Variants in KLF12 observed in about 807,000 individuals in gnomAD.
KLF12 encodes KLF transcription factor 12.
A neutral mutation model predicts 37.8 loss-of-function variants in KLF12; 9 were observed. That is an observed-to-expected ratio of 0.24 (90% CI 0.14 to 0.42). The LOEUF is 0.42. Among genes scored for constraint, KLF12 ranks in the 10% least tolerant of loss-of-function variants. The pLI, the probability that KLF12 is intolerant of heterozygous loss-of-function variation, is 1.00. For missense variants in KLF12, 411 were observed against 516.0 expected (o/e 0.80, Z 1.97); for synonymous variants, 208 against 202.1 (o/e 1.03, Z -0.25).
At chr13:74,178,155 G>T in the KLF12 span, among the ~76,000 whole-genome samples, 2 of 152,168 alleles carry the variant, frequency 1.3e-5, no homozygotes, top group African/African-American at 4.8e-5. Flanking sequence ...CAGCCAGTGT[G>T]GGGTGCATAT....
At chr13:74,233,380 C>T in the KLF12 span, among the ~76,000 whole-genome samples, 2 of 152,082 alleles carry the variant, frequency 1.3e-5, no homozygotes, top group East Asian at 3.9e-4. Context: ...TGGGAAACTC[C>T]CAACAGGAGC....
At chr13:74,288,403 G>A in the KLF12 span, among the ~76,000 whole-genome samples, 10 of 152,236 alleles carry the variant, frequency 6.6e-5, no homozygotes, top group South Asian at 1.0e-3. Flanking sequence ...GAGGTAACGG[G>A]GTAAAACAGC....
chr13:74,050,792 T>G (rs1478815103), intron 1 of KLF12, among the ~76,000 whole-genome samples: 1 of 152,076 alleles, frequency 6.6e-6, no homozygotes, highest in Non-Finnish European at 1.5e-5. Context: ...ACCTACAGAA[T>G]GAGAGATAAT....
chr13:73,907,367 T>C (rs998769477), intron 3 of KLF12, among the ~76,000 whole-genome samples: 29 of 152,150 alleles, frequency 1.9e-4, no homozygotes, highest in Non-Finnish European at 1.3e-4. Flanking sequence ...CCTCCATTCA[T>C]ACAGCATTCT....
intron 7 of KLF12, among the ~76,000 whole-genome samples, chr13:73,701,846 A>G (rs1012583131): frequency 2.6e-5 from 4 of 152,206 alleles, no homozygotes; most frequent in African/African-American, 9.7e-5. Context: ...TATTTAAAAA[A>G]AAAGAATATG....
Position 73,790,736 on chromosome 13 carries a change from C to T in KLF12, c.806+22416G>A, listed in dbSNP as rs1881637667. Among the ~76,000 whole-genome samples, 4 of 152,216 alleles carry T rather than the reference C, an allele frequency of 2.6e-5. No homozygotes were observed. The South Asian group carries it at 8.3e-4, about 32-fold the overall frequency. ...AACTCTCCAGCTAATACTAATGTTT[C>T]CCTCCTTACAGTCTAATGGGCAAGG... On this transcript the variant is annotated intron_variant, in intron 5 of 7. Coordinates refer to ENST00000377669, the MANE Select transcript of KLF12 (RefSeq NM_007249.5).
intron 3 of KLF12, among the ~76,000 whole-genome samples, chr13:73,864,278 G>A (rs189494511): frequency 2.7e-3 from 414 of 152,116 alleles, no homozygotes; most frequent in Admixed American, 4.6e-3. Flanking sequence ...TTTATACTTG[G>A]TTTCAATTAG....
chr13:73,880,661 T>C (rs1415352006), intron 3 of KLF12, among the ~76,000 whole-genome samples: 1 of 152,172 alleles, frequency 6.6e-6, no homozygotes, highest in African/African-American at 2.4e-5. Context: ...TACCTAAAAC[T>C]AGAATAAATA....
chr13:74,000,652 C>T lies in KLF12; in HGVS notation c.-31-5599G>A, dbSNP rs141545053. On this transcript the variant is annotated intron_variant, in intron 1 of 7. Coordinates refer to ENST00000377669, the MANE Select transcript of KLF12 (RefSeq NM_007249.5). ...AGTAAGGTATGCCCCAAAGCTTGAGCAGTCACTTAAGAACAGAGCTCACTG... is the reference window on the plus strand; with the variant it reads ...AGTAAGGTATGCCCCAAAGCTTGAGTAGTCACTTAAGAACAGAGCTCACTG... 1.8e-3 allele frequency among the ~76,000 whole-genome samples: 270 copies of T among 152,280 alleles called. 2 individuals are homozygous for T. Among genetic ancestry groups the T allele is most frequent in the Admixed American group, 6.3e-3 (96 of 15,300 alleles).
the KLF12 span, among the ~76,000 whole-genome samples, chr13:74,224,747 A>G: frequency 6.6e-6 from 1 of 152,174 alleles, no homozygotes; most frequent in Non-Finnish European, 1.5e-5. Flanking sequence ...AATAAGTAGT[A>G]TAATGACTAA....
intron 4 of KLF12, among the ~76,000 whole-genome samples, chr13:73,837,670 A>C (rs11839511): frequency 0.2 from 30,871 of 152,144 alleles, 3,862 homozygotes; most frequent in East Asian, 0.5. Flanking sequence ...TATTTAATAA[A>C]CATAAACCAA....
At chr13:74,208,410 G>T in the KLF12 span, among the ~76,000 whole-genome samples, 3 of 152,090 alleles carry the variant, frequency 2.0e-5, no homozygotes, top group Non-Finnish European at 4.4e-5. Context: ...ATTAAGGAAA[G>T]AAAAATATAG....
At chr13:74,112,207 T>C (rs1030299604) in intron 1 of KLF12, among the ~76,000 whole-genome samples, 25 of 150,766 alleles carry the variant, frequency 1.7e-4, no homozygotes, top group African/African-American at 5.9e-4. Flanking sequence ...TGTGCATCTG[T>C]GTGTGTGTGT....
intron 1 of KLF12, among the ~76,000 whole-genome samples, chr13:74,028,675 C>CT (rs1339197472): frequency 6.6e-6 from 1 of 151,830 alleles, no homozygotes; most frequent in Non-Finnish European, 1.5e-5. Flanking sequence ...AGAAACATGG[C>CT]TCTTATGAGG....
chr13:73,816,216 C>T (rs139088534), intron 4 of KLF12, among the ~76,000 whole-genome samples: 19 of 152,264 alleles, frequency 1.2e-4, no homozygotes, highest in Non-Finnish European at 2.2e-4. Context: ...CCCTAGTTAA[C>T]CTCCATCAGT....
rs143705118 is a variant in KLF12, at chr13:73,968,578, C to T, written c.34-24508G>A. ...TTGTCAGCAAACTGCAAAATGAATA[C>T]TCTCATCTTGGGACTTTGACTTATT... On this transcript the variant is annotated intron_variant, in intron 2 of 7. Transcript: ENST00000377669. Among the ~76,000 whole-genome samples the T allele has an allele frequency of 4.5e-3, 684 of 152,262 alleles. 3 individuals are homozygous for T. Among genetic ancestry groups the T allele is most frequent in the African/African-American group, 0.015 (641 of 41,554 alleles).
chr13:73,750,627 C>CTTAA (rs1180616687), intron 6 of KLF12, among the ~76,000 whole-genome samples: 2 of 152,124 alleles, frequency 1.3e-5, no homozygotes, highest in African/African-American at 4.8e-5. Flanking sequence ...CACAGAAAAG[C>CTTAA]ATTTTTCAAT....
At chr13:73,856,992 AATAAAATAAG>A (rs1413069826) in intron 3 of KLF12, among the ~76,000 whole-genome samples, 2 of 152,164 alleles carry the variant, frequency 1.3e-5, no homozygotes, top group African/African-American at 4.8e-5. Flanking sequence ...TGTCTCAAAA[AATAAAATAAG>A]ATAAAATATA....
At position 73,923,817 on chromosome 13, in the gene KLF12, A is replaced by G. The variant is rs531221038; in HGVS notation, c.123+20164T>C. 7.2e-5 allele frequency among the ~76,000 whole-genome samples: 11 copies of G among 152,338 alleles called. 1 individual carries two copies. In the South Asian group the frequency reaches 2.3e-3, roughly 32 times the overall value. The stretch of plus-strand genomic sequence containing the variant: ...GGAACCCAGGATATTTTACAGTCAT[A>G]GTCTGCAGACTACACTTTGAAGATA... On this transcript the variant is annotated intron_variant, in intron 3 of 7. Transcript: ENST00000377669.
Sources: gnomAD v4.1 joint callset for allele counts (sites outside exome capture counted in the v4.1 genomes callset) on GRCh38, gnomAD v4.1.1 for gene constraint, MANE v1.5 for transcripts, NCBI Gene and HGNC (gene_info 2026-07-23, HGNC 2026-07-21) for gene names.